Variants in COL5A2 observed in about 807,000 individuals in gnomAD.
COL5A2 encodes the protein collagen alpha-2(V) chain.
COL5A2 carries 23 observed loss-of-function variants against 208.2 expected under a neutral mutation model. That is an observed-to-expected ratio of 0.11 (90% CI 0.08 to 0.16). COL5A2 has a LOEUF of 0.16. COL5A2 is among the 10% of genes least tolerant of loss of function. The pLI is 1.00. For synonymous variants in COL5A2, 625 were observed against 628.5 expected (o/e 0.99, Z 0.08); for missense variants, 1,590 against 1,956.4 (o/e 0.81, Z 3.53).
At chr2:189,284,309 C>T in the COL5A2 span, among the ~76,000 whole-genome samples, 21 of 151,976 alleles carry the variant, frequency 1.4e-4, no homozygotes, top group South Asian at 2.1e-4. Flanking sequence ...TCTCAAACTG[C>T]GATCAAGAAC....
the COL5A2 span, among the ~76,000 whole-genome samples, chr2:189,298,663 G>C: frequency 6.6e-6 from 1 of 152,240 alleles, no homozygotes; most frequent in Admixed American, 6.5e-5. Flanking sequence ...ATTCAAACAG[G>C]AAACAAAATC....
intron 47 of COL5A2, among the ~76,000 whole-genome samples, chr2:189,044,859 C>T (rs1485667476): frequency 1.3e-5 from 2 of 151,898 alleles, no homozygotes; most frequent in African/African-American, 2.4e-5. Context: ...CTTTCAAATC[C>T]ATTTTCCTAT....
the COL5A2 span, among the ~76,000 whole-genome samples, chr2:189,432,008 A>G: frequency 6.6e-6 from 1 of 152,136 alleles, no homozygotes. Context: ...CTCAGCAGAA[A>G]CCCTACAAGC....
chr2:189,049,503 G>A (rs768098053), intron 43 of COL5A2, 49 bp from the exon 44 acceptor site: 133 of 1,442,616 alleles, frequency 9.2e-5, no homozygotes, highest in Middle Eastern at 1.7e-4. Flanking sequence ...ATTGAAGAAC[G>A]CTAGTTCCCA....
intron 16 of COL5A2, among the ~76,000 whole-genome samples, chr2:189,077,583 A>G (rs1351426122): frequency 6.6e-6 from 1 of 152,196 alleles, no homozygotes; most frequent in Non-Finnish European, 1.5e-5. Context: ...AGCATACTAT[A>G]TTGATAGACG....
chr2:189,148,396 C>T (rs1688080765), intron 1 of COL5A2, among the ~76,000 whole-genome samples: 1 of 151,934 alleles, frequency 6.6e-6, no homozygotes, highest in South Asian at 2.1e-4. Context: ...AAGCAAAGGG[C>T]AACCACAGAC....
At chr2:189,243,229 G>A in the COL5A2 span, among the ~76,000 whole-genome samples, 4 of 151,880 alleles carry the variant, frequency 2.6e-5, 1 homozygote, top group South Asian at 8.4e-4. Flanking sequence ...AGAAAGGGAG[G>A]GAGAGAGGAA....
At chr2:189,426,591 C>A in the COL5A2 span, among the ~76,000 whole-genome samples, 1 of 152,222 alleles carries the variant, frequency 6.6e-6, no homozygotes, top group Non-Finnish European at 1.5e-5. Context: ...TCATCAGGAC[C>A]TCCTGAGGCT....
At chr2:189,300,026 G>A in the COL5A2 span, among the ~76,000 whole-genome samples, 4 of 152,218 alleles carry the variant, frequency 2.6e-5, no homozygotes, top group East Asian at 3.9e-4. Flanking sequence ...AGAATAGCCT[G>A]TTCAGCAAAT....
At chr2:189,053,092 A>G in intron 38 of COL5A2, 74 bp from the exon 39 acceptor site, 2 of 1,141,064 alleles carry the variant, frequency 1.8e-6, no homozygotes, top group Non-Finnish European at 2.6e-6. Flanking sequence ...ATTATTACTA[A>G]TGTATCAATT....
chr2:189,315,689 C>G, the COL5A2 span, among the ~76,000 whole-genome samples: 4 of 152,140 alleles, frequency 2.6e-5, no homozygotes, highest in Non-Finnish European at 5.9e-5. Flanking sequence ...ACCCCCTTGT[C>G]TAGGCCCAAA....
At chr2:189,122,964 A>T (rs1420570433) in intron 1 of COL5A2, among the ~76,000 whole-genome samples, 1 of 59,814 alleles carries the variant, frequency 1.7e-5, no homozygotes. Context: ...GGGATAAAGT[A>T]TTTAATTTTT....
chr2:189,428,289 G>A, the COL5A2 span, among the ~76,000 whole-genome samples: 1 of 152,102 alleles, frequency 6.6e-6, no homozygotes, highest in African/African-American at 2.4e-5. Flanking sequence ...TACCCCTAGT[G>A]CTATTCACAT....
chr2:189,307,064 C>T, the COL5A2 span, among the ~76,000 whole-genome samples: 1 of 152,082 alleles, frequency 6.6e-6, no homozygotes, highest in Admixed American at 6.6e-5. Flanking sequence ...GAAAAAAGTT[C>T]ATTGATATAT....
intron 13 of COL5A2, among the ~76,000 whole-genome samples, chr2:189,080,415 G>A (rs565267743): frequency 3.9e-4 from 60 of 152,078 alleles, no homozygotes; most frequent in Non-Finnish European, 7.4e-4. Flanking sequence ...GAGTATAGCA[G>A]CAGACATCTT....
At chr2:189,393,180 C>G in the COL5A2 span, among the ~76,000 whole-genome samples, 1 of 151,730 alleles carries the variant, frequency 6.6e-6, no homozygotes, top group Non-Finnish European at 1.5e-5. Flanking sequence ...TCTTCAAATC[C>G]TTTTTACAGA....
chr2:189,371,483 A>G, the COL5A2 span, among the ~76,000 whole-genome samples: 3 of 152,218 alleles, frequency 2.0e-5, no homozygotes, highest in Non-Finnish European at 4.4e-5. Flanking sequence ...AAGTGTTGAT[A>G]GAAATATAGA....
intron 12 of COL5A2, among the ~76,000 whole-genome samples, chr2:189,082,072 C>T (rs55685144): frequency 0.14 from 21,587 of 152,126 alleles, 1,516 homozygotes; most frequent in Middle Eastern, 0.19. Context: ...TGAATAATCA[C>T]TGGATAAACA....
the COL5A2 span, among the ~76,000 whole-genome samples, chr2:189,322,208 A>G: frequency 0.036 from 5,535 of 152,056 alleles, 116 homozygotes; most frequent in Admixed American, 0.05. Context: ...AGCACTAAAT[A>G]CCCACAAGAG....
Sources: allele counts gnomAD v4.1 joint callset (sites outside exome capture counted in the v4.1 genomes callset), GRCh38; gene constraint gnomAD v4.1.1; transcripts MANE v1.5; gene names NCBI Gene and HGNC (gene_info 2026-07-23, HGNC 2026-07-21).